Variants in RASAL3 observed in about 807,000 individuals in gnomAD.
The protein encoded by RASAL3 is RAS protein activator like-3.
In RASAL3, 74 loss-of-function variants were observed where a neutral mutation model predicts 105.5. That is an observed-to-expected ratio of 0.70 (90% CI 0.58 to 0.85). RASAL3 has a LOEUF of 0.85. Ranked by LOEUF, RASAL3 falls within the 40% of genes least tolerant of loss-of-function variation. The pLI, the probability that RASAL3 is intolerant of heterozygous loss-of-function variation, is 0.00. For synonymous variants in RASAL3, 579 were observed against 591.6 expected (o/e 0.98, Z 0.31); for missense variants, 1,352 against 1,392.0 (o/e 0.97, Z 0.46).
chr19:15,452,918 T>G, intron 15 of RASAL3, 103 bp from the exon 16 acceptor site: 1 of 1,463,300 alleles, frequency 6.8e-7, no homozygotes, highest in Non-Finnish European at 9.1e-7. Context: ...ATCACCGGCC[T>G]GCCTAGTTGG....
Position 15,457,367 on chromosome 19 carries a change from G to A in RASAL3, c.1356C>T (p.Pro452=). 7.0e-7 allele frequency: 1 copy of A among 1,426,654 alleles called. No individual in the cohort carries two copies. Among genetic ancestry groups the A allele is most frequent in the Non-Finnish European group, 9.1e-7 (1 of 1,097,300 alleles). 88.4% of individuals were successfully genotyped at this position (1,426,654 alleles called of 1,614,324 possible). The change falls in exon 9 of 18, where the codon CCC becomes CCT. Residue 452 remains proline (P), a synonymous_variant. Transcript: ENST00000343625. The surrounding 1 kb of genome is among the most constrained non-coding windows in gnomAD (Gnocchi z 8.6). ...HYARLCGALE[P]ALPAQAKEEL... ...CCTCCTTGGCCTGCGCAGGCAGCGC[G>A]GGCTCCAGGGCCCCGCAGAGGCGCG...
At chr19:15,460,538 T>C (rs1970476005) in intron 5 of RASAL3, among the ~76,000 whole-genome samples, 1 of 152,126 alleles carries the variant, frequency 6.6e-6, no homozygotes, top group African/African-American at 2.4e-5. Flanking sequence ...TTGCCTCAGC[T>C]GGGACTACAG....
chr19:15,463,982 C>T (rs1335049458), intron 2 of RASAL3, 49 bp downstream of exon 2: 1 of 1,480,348 alleles, frequency 6.8e-7, no homozygotes, highest in South Asian at 1.4e-5. Context: ...AAAACCCAAG[C>T]ATCCGGCTTC....
intron 16 of RASAL3, 158 bp downstream of exon 16, chr19:15,452,500 C>T: frequency 1.5e-6 from 1 of 687,168 alleles, no homozygotes; most frequent in Non-Finnish European, 2.3e-6. Flanking sequence ...GGGGGCGGGG[C>T]TTGCCAAGAG....
Position 15,458,625 on chromosome 19 carries a change from C to T in RASAL3, c.693G>A (p.Ser231=), listed in dbSNP as rs1283794691. Residue 231 remains serine, a synonymous_variant, in exon 7 of 18, where the codon TCG becomes TCA. Coordinates refer to ENST00000343625, the MANE Select transcript of RASAL3 (RefSeq NM_022904.3). ...GGTCCAGTTCAGAGAGTGTGGCCAGCGACTCCCTAGAGCCCAGAGCACTGG... is the reference window on the plus strand; with the variant it reads ...GGTCCAGTTCAGAGAGTGTGGCCAGTGACTCCCTAGAGCCCAGAGCACTGG... ...GPPSALGSRE[S]LATLSELDLG... is the part of the protein sequence containing the mutation. 1.2e-6 allele frequency: 2 copies of T among 1,613,438 alleles called. No individual in the cohort carries two copies. The highest frequency in any genetic ancestry group is 1.7e-6 in the Non-Finnish European group (2 of 1,179,700).
In RASAL3 at chr19:15,451,871, A is replaced by C; in HGVS notation, c.2960T>G (p.Leu987Arg). 1 of 1,609,112 alleles carries C rather than the reference A, an allele frequency of 6.2e-7. No individual in the cohort carries two copies. The highest frequency in any genetic ancestry group is 1.1e-5 in the South Asian group (1 of 90,978). ...CCAAGACCCCCGCGTCCTTGGAGAAAGCTGCAGGCTCTGGACAGCATCCCT... is the reference window on the plus strand; with the variant it reads ...CCAAGACCCCCGCGTCCTTGGAGAACGCTGCAGGCTCTGGACAGCATCCCT... Reference protein sequence around the residue: ...QLRDAVQSLQLSPRTRGSWSQ... With the variant: ...QLRDAVQSLQRSPRTRGSWSQ... Residue 987 changes from leucine (L) to arginine (R), a missense_variant, in exon 18 of 18, where the codon CTT becomes CGT. Leu to Arg is a moderately radical substitution (Grantham distance 102, BLOSUM62 -2). This residue lies in a region of RASAL3 where 920 missense variants were observed against 919.6 expected (regional missense o/e 1.00). Coordinates refer to ENST00000343625, the MANE Select transcript of RASAL3 (RefSeq NM_022904.3).
At position 15,453,257 on chromosome 19, in the gene RASAL3, G is replaced by A; in HGVS notation, c.2520C>T (p.Gly840=). The A allele has an allele frequency of 1.3e-6, 2 of 1,576,506 alleles. No individual in the cohort carries two copies. Among genetic ancestry groups the A allele is most frequent in the Non-Finnish European group, 1.7e-6 (2 of 1,163,518 alleles). ...QSAGPWPRPK[G]SLSMGPAPRA... The stretch of plus-strand genomic sequence containing the variant: ...GGGGCGCTGGTCCCATGCTCAGGGA[G>A]CCTTTGGGTCGCGGCCAGGGCCCCG... The change falls in exon 15 of 18, where the codon GGC becomes GGT. Residue 840 remains glycine, a synonymous_variant. Transcript: ENST00000343625. This position sits in a 1 kb window ranked among gnomAD's most constrained non-coding sequence, Gnocchi z 4.2.
chr19:15,464,534 C>T lies in RASAL3; in HGVS notation c.-49G>A. 7.5e-6 allele frequency: 5 copies of T among 665,920 alleles called. No homozygotes were observed. The highest frequency in any genetic ancestry group is 1.3e-5 in the Non-Finnish European group (5 of 395,506). 41.3% of individuals were successfully genotyped at this position (665,920 alleles called of 1,614,324 possible). A position where few individuals can be genotyped will look rare whatever the true frequency, so the allele number is the denominator to read the frequency against. ...GTTTCCTGACCAGCCCCAGAATCAGCAGCCGTCTGCACCCCGCCTGGCTTC... is the reference window on the plus strand; with the variant it reads ...GTTTCCTGACCAGCCCCAGAATCAGTAGCCGTCTGCACCCCGCCTGGCTTC... On this transcript the variant is annotated 5_prime_UTR_variant, in exon 1 of 18. Transcript: ENST00000343625.
At position 15,457,592 on chromosome 19, in the gene RASAL3, G is replaced by A. The variant is rs1186496774; in HGVS notation, c.1131C>T (p.Ser377=). 1 of 1,307,004 alleles carries A rather than the reference G, an allele frequency of 7.7e-7. No homozygotes were observed. The highest frequency in any genetic ancestry group is 9.8e-7 in the Non-Finnish European group (1 of 1,024,250). 81.0% of individuals were successfully genotyped at this position (1,307,004 alleles called of 1,614,324 possible). Residue 377 remains serine, a synonymous_variant, in exon 9 of 18, where the codon AGC becomes AGT. Transcript: ENST00000343625. The surrounding 1 kb of genome is among the most constrained non-coding windows in gnomAD (Gnocchi z 8.6). ...CCAGGGCCACGCGGCCCAGCACCGC[G>A]CTTCCCGGGCCCAAGCCGCGCAGCC... ...SLRLRGLGPG[S]AVLGRVALAL...
At position 15,453,456 on chromosome 19, in the gene RASAL3, TC is replaced by T; in HGVS notation, c.2320del (p.Asp774ThrfsTer69). ...GEKPGFLAPR[D>X]LPKHTPLISK... ...GATGAGAGGGGTGTGCTTGGGGAGG[TC>T]CCGGGGGGCCAGGAAGCCGGGCTTC... On this transcript the variant is annotated frameshift_variant, in exon 15 of 18. Transcript: ENST00000343625. LOFTEE classifies it high-confidence loss of function. The surrounding 1 kb of genome is among the most constrained non-coding windows in gnomAD (Gnocchi z 4.2). 6.5e-7 allele frequency: 1 copy of T among 1,541,076 alleles called. No homozygotes were observed. The highest frequency in any genetic ancestry group is 2.3e-5 in the Admixed American group (1 of 44,188).
intron 16 of RASAL3, 83 bp downstream of exon 16, chr19:15,452,575 T>TTGGG (rs1970185053): frequency 1.3e-6 from 1 of 787,020 alleles, no homozygotes; most frequent in Non-Finnish European, 1.7e-6. Flanking sequence ...AGGCGTGGTT[T>TTGGG]GGGGGGGGGG....
intron 16 of RASAL3, 80 bp downstream of exon 16, chr19:15,452,578 G>GA: frequency 1.2e-6 from 1 of 866,300 alleles, no homozygotes; most frequent in Non-Finnish European, 1.5e-6. Context: ...CGTGGTTTGG[G>GA]GGGGGGGGGG....
intron 3 of RASAL3, 59 bp from the exon 4 acceptor site, chr19:15,461,355 C>A: frequency 4.5e-6 from 7 of 1,565,090 alleles, no homozygotes; most frequent in Non-Finnish European, 6.1e-6. Flanking sequence ...GGCAGGCAGG[C>A]AGACCGAGGG....
rs1310074760 is a variant in RASAL3, at chr19:15,457,713, A to G, written c.1010T>C (p.Leu337Pro). ...RAELWLDGAL[L>P]ARTAPRAGPG... ...GCCGGCCCGAGGCGCCGTGCGTGCC[A>G]GCAGCGCGCCATCCAGCCACAGCTC... Residue 337 changes from leucine to proline, a missense_variant, in exon 9 of 18, where the codon CTG (leucine) becomes CCG (proline). Transcript: ENST00000343625. The surrounding 1 kb of genome is among the most constrained non-coding windows in gnomAD (Gnocchi z 8.6). 6.6e-7 allele frequency: 1 copy of G among 1,506,182 alleles called. No individual in the cohort carries two copies. Among genetic ancestry groups the G allele is most frequent in the Non-Finnish European group, 8.9e-7 (1 of 1,128,868 alleles). 93.3% of individuals were successfully genotyped at this position (1,506,182 alleles called of 1,614,324 possible). A position where few individuals can be genotyped will look rare whatever the true frequency, so the allele number is the denominator to read the frequency against.
Position 15,457,597 on chromosome 19 carries a change from C to T in RASAL3, c.1126G>A (p.Gly376Arg). The T allele has an allele frequency of 1.5e-6, 2 of 1,330,150 alleles. No individual in the cohort carries two copies. The highest frequency in any genetic ancestry group is 4.2e-5 in the East Asian group (1 of 23,864). The allele number at this position is 1,330,150 out of a possible 1,614,324, so 82.4% of individuals were successfully genotyped here. The change falls in exon 9 of 18, where the codon GGA becomes AGA. Residue 376 changes from glycine to arginine, a missense_variant. Physicochemically the swap from Gly to Arg is moderately radical, Grantham distance 125. Transcript: ENST00000343625. The surrounding 1 kb of genome is among the most constrained non-coding windows in gnomAD (Gnocchi z 8.6). Reference protein sequence around the residue: ...LSLRLRGLGPGSAVLGRVALA... With the variant: ...LSLRLRGLGPRSAVLGRVALA... The stretch of plus-strand genomic sequence containing the variant: ...GCCACGCGGCCCAGCACCGCGCTTC[C>T]CGGGCCCAAGCCGCGCAGCCGCAGC...
chr19:15,453,109 T>C lies in RASAL3; in HGVS notation c.2668A>G (p.Lys890Glu). 1 of 1,613,554 alleles carries C rather than the reference T, an allele frequency of 6.2e-7. No homozygotes were observed. The change falls in exon 15 of 18, where the codon AAG (lysine) becomes GAG (glutamate). Residue 890 changes from lysine to glutamate, a missense_variant and splice_region_variant. This residue lies in a region of RASAL3 where 920 missense variants were observed against 919.6 expected (regional missense o/e 1.00). Coordinates refer to ENST00000343625, the MANE Select transcript of RASAL3 (RefSeq NM_022904.3). This position sits in a 1 kb window ranked among gnomAD's most constrained non-coding sequence, Gnocchi z 4.2. ...CGCGGACCTGGGCCTGACCTTACCT[T>C]GTTCACAGGTCGGTGCGTGCCCAGT... is the stretch of plus-strand genomic sequence containing the variant. ...QALGTHRPVN[K>E]LAELQCEVAA...
At chr19:15,460,319 C>T (rs947612379) in intron 5 of RASAL3, 61 bp from the exon 6 acceptor site, 6 of 1,483,532 alleles carry the variant, frequency 4.0e-6, no homozygotes, top group Admixed American at 1.9e-5. Context: ...CTCCTTCCCT[C>T]CCAAGACATC....
At position 15,452,797 on chromosome 19, in the gene RASAL3, CGCACTGCAGCTCT is replaced by C; in HGVS notation, c.2676_2688del (p.Glu893ArgfsTer19). 5 of 1,558,892 alleles carry C rather than the reference CGCACTGCAGCTCT, an allele frequency of 3.2e-6. No homozygotes were observed. Among genetic ancestry groups the C allele is most frequent in the Non-Finnish European group, 4.3e-6 (5 of 1,150,942 alleles). On this transcript the variant is annotated frameshift_variant, in exon 16 of 18. Transcript: ENST00000343625. LOFTEE classifies it high-confidence loss of function. ...TGCTCCTCACGCAGAGCGGCCACCT[CGCACTGCAGCTCT>C]GCCAACTGTGGTGGGAGAGCAGCTG... is the stretch of plus-strand genomic sequence containing the variant.
chr19:15,457,838 C>A lies in RASAL3; in HGVS notation c.889-4G>T. ...TCTCTTCCCGCTCCACGTTGTCCTG[C>A]AGATGGGAGTGGGATGGGGGGAAGC... On this transcript the variant is annotated splice_region_variant and splice_polypyrimidine_tract_variant and intron_variant, in intron 8 of 17. Coordinates refer to ENST00000343625, the MANE Select transcript of RASAL3 (RefSeq NM_022904.3). The surrounding 1 kb of genome is among the most constrained non-coding windows in gnomAD (Gnocchi z 8.6). The A allele has an allele frequency of 1.3e-6, 2 of 1,548,604 alleles. No individual in the cohort carries two copies. The highest frequency in any genetic ancestry group is 1.2e-5 in the South Asian group (1 of 83,956).
Sources: allele counts gnomAD v4.1 joint callset (sites outside exome capture counted in the v4.1 genomes callset), GRCh38; gene constraint gnomAD v4.1.1; regional missense constraint gnomAD v4.1.1; non-coding constraint Gnocchi (gnomAD v3.1); transcripts MANE v1.5; gene names NCBI Gene and HGNC (gene_info 2026-07-23, HGNC 2026-07-21).